Variants in PTPRD observed in about 807,000 individuals in gnomAD.
PTPRD encodes the protein receptor-type tyrosine-protein phosphatase delta.
A neutral mutation model predicts 214.5 loss-of-function variants in PTPRD; 34 were observed. The ratio of observed to expected loss-of-function variants is 0.16; its 90% confidence interval spans 0.12 to 0.21. PTPRD has a LOEUF of 0.21. Among genes scored for constraint, PTPRD ranks in the 10% least tolerant of loss-of-function variants. The probability of loss-of-function intolerance (pLI) is 1.00; values close to 1 mark genes in which losing one functional copy is unlikely to be tolerated. For missense variants in PTPRD, 2,545 were observed against 2,398.7 expected (o/e 1.06, Z -1.27); for synonymous variants, 1,128 against 845.7 (o/e 1.33, Z -5.79).
At chr9:9,279,278 T>C (rs1293500100) in intron 9 of PTPRD, among the ~76,000 whole-genome samples, 2 of 149,076 alleles carry the variant, frequency 1.3e-5, no homozygotes, top group Non-Finnish European at 3.0e-5. Flanking sequence ...TACATATATA[T>C]ACACAGATGT....
chr9:8,888,030 C>T lies in PTPRD; in HGVS notation c.-104+130667G>A, dbSNP rs73640960. On this transcript the variant is annotated intron_variant, in intron 11 of 45. Coordinates refer to ENST00000381196, the MANE Select transcript of PTPRD (RefSeq NM_002839.4). Reference sequence around the variant, plus strand: ...GTGGGGATTTTAAATCAAATAGCTGCGTTTTTCAATGTGAAAATTTAAAAG... The same window carrying T: ...GTGGGGATTTTAAATCAAATAGCTGTGTTTTTCAATGTGAAAATTTAAAAG... Among the ~76,000 whole-genome samples, 1,011 of 152,238 alleles carry T rather than the reference C, an allele frequency of 6.6e-3. 16 individuals carry two copies. Among genetic ancestry groups the T allele is most frequent in the African/African-American group, 0.022 (896 of 41,536 alleles).
intron 7 of PTPRD, among the ~76,000 whole-genome samples, chr9:9,680,682 A>T (rs766589055): frequency 6.6e-6 from 1 of 151,546 alleles, no homozygotes; most frequent in Middle Eastern, 3.4e-3. Flanking sequence ...AAGTACCTTG[A>T]CTCCCTCCCA....
chr9:8,983,296 C>G (rs1459057207), intron 11 of PTPRD, among the ~76,000 whole-genome samples: 1 of 151,854 alleles, frequency 6.6e-6, no homozygotes, highest in African/African-American at 2.4e-5. Flanking sequence ...AAATGCTTCA[C>G]TAGAAATTAT....
chr9:8,858,489 G>A (rs1035836485), intron 11 of PTPRD, among the ~76,000 whole-genome samples: 3 of 152,092 alleles, frequency 2.0e-5, no homozygotes, highest in Non-Finnish European at 2.9e-5. Flanking sequence ...TTTGGGGAGG[G>A]GGGAAAATTA....
rs2095554178 is a variant in PTPRD at position 8,778,096 on chromosome 9, A to G, written c.-103-44150T>C. On this transcript the variant is annotated intron_variant, in intron 11 of 45. Transcript: ENST00000381196. ...TACTGTTGCTCTGTGGTAATACATT[A>G]CATTTCCATCTGAAAGGTTCATGCT... Among the ~76,000 whole-genome samples the G allele has an allele frequency of 2.6e-5, 4 of 152,324 alleles. No homozygotes were observed. In the South Asian group the frequency reaches 6.2e-4, roughly 24 times the overall value.
chr9:10,450,180 T>G (rs1029699034), intron 2 of PTPRD, among the ~76,000 whole-genome samples: 2 of 151,602 alleles, frequency 1.3e-5, no homozygotes, highest in Admixed American at 6.6e-5. Flanking sequence ...TTCCCTCCAC[T>G]ATTGTCCTAT....
At chr9:8,715,699 G>GA (rs1336665153) in intron 12 of PTPRD, among the ~76,000 whole-genome samples, 1 of 152,086 alleles carries the variant, frequency 6.6e-6, no homozygotes, top group Admixed American at 6.5e-5. Flanking sequence ...TCTTAACAGA[G>GA]AAAAATATAA....
At chr9:9,236,867 T>C (rs2099967106) in intron 9 of PTPRD, among the ~76,000 whole-genome samples, 1 of 152,042 alleles carries the variant, frequency 6.6e-6, no homozygotes, top group Non-Finnish European at 1.5e-5. Flanking sequence ...CAGCTCTCAA[T>C]GTGTTGTCTA....
chr9:8,797,066 C>T (rs1209342661), intron 11 of PTPRD: 2 of 152,040 alleles, frequency 1.3e-5, no homozygotes, highest in Non-Finnish European at 2.9e-5. Flanking sequence ...ACTGCCATAA[C>T]ATGATACGCC....
chr9:9,620,108 G>A (rs1448055429), intron 7 of PTPRD, among the ~76,000 whole-genome samples: 1 of 151,762 alleles, frequency 6.6e-6, no homozygotes, highest in African/African-American at 2.4e-5. Context: ...CAATTGCCTG[G>A]GATTCATAAA....
Position 9,967,255 on chromosome 9 carries a change from A to G in PTPRD, c.-471-28645T>C, listed in dbSNP as rs998988624. Among the ~76,000 whole-genome samples the G allele has an allele frequency of 8.5e-5, 13 of 152,062 alleles. 1 individual carries two copies. The highest frequency in any genetic ancestry group is 6.6e-4 in the Admixed American group (10 of 15,248). On this transcript the variant is annotated intron_variant, in intron 4 of 45. Coordinates refer to ENST00000381196, the MANE Select transcript of PTPRD (RefSeq NM_002839.4). Reference sequence around the variant, plus strand: ...CCTCCCTCAGAGTTGTGAGAATTACATGCACTACACTGAATGTTAGCAATT... The same window carrying G: ...CCTCCCTCAGAGTTGTGAGAATTACGTGCACTACACTGAATGTTAGCAATT...
intron 3 of PTPRD, among the ~76,000 whole-genome samples, chr9:10,307,573 G>A (rs2096122435): frequency 2.0e-5 from 3 of 151,916 alleles, no homozygotes; most frequent in Non-Finnish European, 2.9e-5. Flanking sequence ...TTCAGTAGTG[G>A]GATTGCTGCA....
At chr9:9,011,018 T>C (rs1038194610) in intron 11 of PTPRD, among the ~76,000 whole-genome samples, 24 of 152,212 alleles carry the variant, frequency 1.6e-4, no homozygotes, top group Non-Finnish European at 2.5e-4. Flanking sequence ...AGGATTCATA[T>C]GTAGCATGCT....
At chr9:8,830,821 G>A (rs2097273329) in intron 11 of PTPRD, among the ~76,000 whole-genome samples, 1 of 152,066 alleles carries the variant, frequency 6.6e-6, no homozygotes, top group Non-Finnish European at 1.5e-5. Flanking sequence ...ATTGCTTAAA[G>A]AAATCCCAAA....
chr9:9,097,485 TGCAA>T (rs1399799616), intron 10 of PTPRD, among the ~76,000 whole-genome samples: 1 of 151,662 alleles, frequency 6.6e-6, no homozygotes, highest in Non-Finnish European at 1.5e-5. Context: ...CTCAGCTCAC[TGCAA>T]GCTCTGCCGC....
chr9:9,743,771 A>ACACACACACACACACACACAC (rs1218520561), intron 6 of PTPRD, among the ~76,000 whole-genome samples: 3 of 118,684 alleles, frequency 2.5e-5, no homozygotes, highest in African/African-American at 8.5e-5. Context: ...CACACACACA[A>ACACACACACACACACACACAC]TTTATACTGA....
chr9:10,440,386 T>C (rs2098750918), intron 2 of PTPRD, among the ~76,000 whole-genome samples: 1 of 151,792 alleles, frequency 6.6e-6, no homozygotes, highest in Admixed American at 6.6e-5. Context: ...TATACAGTAC[T>C]ATCATATAAA....
chr9:9,979,448 A>C (rs978076019), intron 4 of PTPRD, among the ~76,000 whole-genome samples: 1 of 152,034 alleles, frequency 6.6e-6, no homozygotes, highest in Non-Finnish European at 1.5e-5. Flanking sequence ...GAGGGGGAGA[A>C]TGAGAGGGAG....
chr9:10,235,116 T>G (rs1027207003), intron 3 of PTPRD, among the ~76,000 whole-genome samples: 1 of 151,848 alleles, frequency 6.6e-6, no homozygotes, highest in South Asian at 2.1e-4. Context: ...TTTTTACCCT[T>G]TCTACACCCT....
Sources: allele counts gnomAD v4.1 joint callset (sites outside exome capture counted in the v4.1 genomes callset), GRCh38; gene constraint gnomAD v4.1.1; transcripts MANE v1.5; gene names NCBI Gene and HGNC (gene_info 2026-07-23, HGNC 2026-07-21).